RELN: variants seen among roughly 807,000 people sequenced by gnomAD.
RELN encodes reelin.
Under a neutral mutation model 427.6 loss-of-function variants are expected in RELN, and 108 were observed. The observed-to-expected ratio is 0.25, with a 90% CI of 0.22 to 0.30. RELN has a LOEUF of 0.30. Ranked by LOEUF, RELN falls within the 10% of genes least tolerant of loss-of-function variation. The pLI is 1.00. For synonymous variants in RELN, 1,524 were observed against 1,513.4 expected (o/e 1.01, Z -0.16); for missense variants, 3,715 against 4,302.8 (o/e 0.86, Z 3.82).
chr7:103,641,117 C>T (rs1832686010), intron 16 of RELN, among the ~76,000 whole-genome samples: 2 of 152,100 alleles, frequency 1.3e-5, no homozygotes, highest in African/African-American at 2.4e-5. Context: ...AGCCTAAAGG[C>T]TACTGATTGT....
chr7:103,791,405 G>T (rs1300695155), intron 3 of RELN, among the ~76,000 whole-genome samples: 1 of 152,160 alleles, frequency 6.6e-6, no homozygotes, highest in African/African-American at 2.4e-5. Context: ...CAGATGTATA[G>T]ATCAATAGAA....
intron 2 of RELN, among the ~76,000 whole-genome samples, chr7:103,863,805 A>G (rs533327899): frequency 4.6e-5 from 7 of 151,358 alleles, no homozygotes; most frequent in Admixed American, 1.3e-4. Flanking sequence ...CATGAGATAA[A>G]TCCTTTGCAA....
chr7:103,486,083 A>T, intron 61 of RELN, 114 bp downstream of exon 61: 2 of 964,642 alleles, frequency 2.1e-6, no homozygotes, highest in Non-Finnish European at 3.3e-6. Context: ...ACAGGTTTTC[A>T]CTGCTTAGTG....
intron 3 of RELN, among the ~76,000 whole-genome samples, chr7:103,786,351 T>C (rs1792014677): frequency 6.6e-6 from 1 of 151,768 alleles, no homozygotes; most frequent in Non-Finnish European, 1.5e-5. Context: ...TTTGCTTATG[T>C]TTAATATTTA....
At chr7:103,907,751 T>C (rs1365571673) in intron 2 of RELN, among the ~76,000 whole-genome samples, 2 of 148,820 alleles carry the variant, frequency 1.3e-5, no homozygotes, top group Admixed American at 6.8e-5. Context: ...CTGGATATGA[T>C]GTCAGAAAGC....
At chr7:103,568,820 A>T (rs1402232873) in intron 31 of RELN, among the ~76,000 whole-genome samples, 1 of 152,246 alleles carries the variant, frequency 6.6e-6, no homozygotes, top group East Asian at 1.9e-4. Context: ...ATCAGAAGGT[A>T]GATGATACTA....
chr7:103,550,998 G>A, intron 41 of RELN, 69 bp downstream of exon 41: 1 of 1,306,332 alleles, frequency 7.7e-7, no homozygotes, highest in East Asian at 2.4e-5. Context: ...AAAGTGGCAA[G>A]TGAACGATGA....
intron 1 of RELN, among the ~76,000 whole-genome samples, chr7:103,939,374 A>G (rs1796061208): frequency 6.6e-6 from 1 of 152,246 alleles, no homozygotes; most frequent in Non-Finnish European, 1.5e-5. Context: ...ATATAAAAAT[A>G]TACTAACCTC....
chr7:103,789,833 G>T (rs905320791), intron 3 of RELN, among the ~76,000 whole-genome samples: 2 of 152,318 alleles, frequency 1.3e-5, no homozygotes, highest in East Asian at 3.9e-4. Context: ...CCATTACTGG[G>T]TATATACCCA....
chr7:103,707,260 A>T (rs1325600287), intron 8 of RELN, among the ~76,000 whole-genome samples: 2 of 152,188 alleles, frequency 1.3e-5, no homozygotes, highest in East Asian at 3.9e-4. Context: ...CACAAAGATT[A>T]ACCTTCTAAA....
At chr7:103,898,697 C>G (rs887405175) in intron 2 of RELN, among the ~76,000 whole-genome samples, 43 of 151,990 alleles carry the variant, frequency 2.8e-4, no homozygotes, top group African/African-American at 9.9e-4. Flanking sequence ...ATATTTTGCT[C>G]ACATATATTG....
chr7:103,987,642 G>A (rs966382664), intron 1 of RELN, among the ~76,000 whole-genome samples: 2 of 152,130 alleles, frequency 1.3e-5, no homozygotes, highest in African/African-American at 2.4e-5. Flanking sequence ...GGAGCAGCAG[G>A]CTGTCAATCA....
At chr7:103,644,891 T>A (rs920836950) in intron 16 of RELN, among the ~76,000 whole-genome samples, 26 of 151,728 alleles carry the variant, frequency 1.7e-4, no homozygotes, top group African/African-American at 5.6e-4. Flanking sequence ...AAATATCTAA[T>A]TATCTGTAAA....
intron 20 of RELN, among the ~76,000 whole-genome samples, chr7:103,625,669 A>G (rs1015288740): frequency 6.6e-6 from 1 of 151,658 alleles, no homozygotes; most frequent in African/African-American, 2.4e-5. Context: ...TCAGGTTCAC[A>G]TGTATCCCCC....
rs60846683 is a variant in RELN, at chr7:103,491,823, GTC to G, written c.9443+128_9443+129del. 0.034 allele frequency: 14,037 copies of G among 414,850 alleles called. 72 individuals carry two copies. The highest frequency in any genetic ancestry group is 0.055 in the African/African-American group (2,222 of 40,042). The allele number at this position is 414,850 out of a possible 1,614,324, so 25.7% of individuals were successfully genotyped here. A position where few individuals can be genotyped will look rare whatever the true frequency, so the allele number is the denominator to read the frequency against. ...CAGCCTGGGCAACAAGAGCGAAACT[GTC>G]TCTCTCTCTCTCTCTCTCTCTCTCT... is the stretch of plus-strand genomic sequence containing the variant. On this transcript the variant is annotated intron_variant, in intron 58 of 64. Transcript: ENST00000428762.
rs1006277814 is a variant in RELN, at chr7:103,949,036, A to C, written c.227-31851T>G. ...GACATTGTCTCCAAAAAAAAAAAAA[A>C]AAAAAAAAAAACCCGTATACATATA... is the stretch of plus-strand genomic sequence containing the variant. On this transcript the variant is annotated intron_variant, in intron 1 of 64. Coordinates refer to ENST00000428762, the MANE Select transcript of RELN (RefSeq NM_005045.4). Among the ~76,000 whole-genome samples, 204 of 151,258 alleles carry C rather than the reference A, an allele frequency of 1.3e-3. 1 individual carries two copies. The highest frequency in any genetic ancestry group is 2.5e-3 in the Non-Finnish European group (172 of 67,822).
At chr7:103,789,017 G>A (rs1054490787) in intron 3 of RELN, among the ~76,000 whole-genome samples, 2 of 152,060 alleles carry the variant, frequency 1.3e-5, no homozygotes, top group Admixed American at 6.6e-5. Flanking sequence ...ACAGAACAGA[G>A]GCCTCAGAAA....
rs1586472713 is a variant in RELN, at chr7:103,486,229, T to C, written c.9951A>G (p.Ala3317=). Residue 3317 remains alanine (A), a synonymous_variant, in exon 61 of 65, where the codon GCA becomes GCG. Transcript: ENST00000428762. ...GAGTGAGATCCAGAGGCTTGGTAGC[T>C]GCTTGCCTGATCTGACAGCCATTAA... ...LYFNGCQIRQ[A]ATKPLDLTRA... 1 of 1,613,936 alleles carries C rather than the reference T, an allele frequency of 6.2e-7. No homozygotes were observed. The highest frequency in any genetic ancestry group is 8.5e-7 in the Non-Finnish European group (1 of 1,180,030).
chr7:103,555,389 A>G (rs780290394), intron 38 of RELN, among the ~76,000 whole-genome samples: 5 of 152,228 alleles, frequency 3.3e-5, no homozygotes, highest in Non-Finnish European at 7.3e-5. Flanking sequence ...CTCTAATCCT[A>G]TCAGTGTTCT....
Sources: allele counts gnomAD v4.1 joint callset (sites outside exome capture counted in the v4.1 genomes callset), GRCh38; gene constraint gnomAD v4.1.1; transcripts MANE v1.5; gene names NCBI Gene and HGNC (gene_info 2026-07-23, HGNC 2026-07-21).